The following GNA14 variants were observed in gnomAD, a reference collection of about 807,000 sequenced individuals.
The protein encoded by GNA14 is guanine nucleotide-binding protein subunit alpha-14.
In GNA14, 50 loss-of-function variants were observed where a neutral mutation model predicts 42.0. That is an observed-to-expected ratio of 1.19 (90% CI 0.95 to 1.51). The LOEUF (loss-of-function observed/expected upper bound fraction) is 1.51. GNA14 is among the 40% of genes most tolerant of loss of function. GNA14 has a pLI of 0.00. For synonymous variants in GNA14, 173 were observed against 163.1 expected (o/e 1.06, Z -0.46); for missense variants, 473 against 446.2 (o/e 1.06, Z -0.54).
chr9:77,594,327 C>T (rs2117896869), intron 1 of GNA14, among the ~76,000 whole-genome samples: 1 of 152,294 alleles, frequency 6.6e-6, no homozygotes, highest in South Asian at 2.1e-4. Context: ...GCCTTTTCTG[C>T]CAGGGCAGAC....
intron 2 of GNA14, among the ~76,000 whole-genome samples, chr9:77,499,620 G>T (rs1390648539): frequency 6.6e-6 from 1 of 152,146 alleles, no homozygotes; most frequent in Non-Finnish European, 1.5e-5. Flanking sequence ...GGAGGCTGAG[G>T]GGGGTGGATC....
chr9:77,569,990 C>A (rs1823037298), intron 1 of GNA14, among the ~76,000 whole-genome samples: 1 of 152,040 alleles, frequency 6.6e-6, no homozygotes, highest in South Asian at 2.1e-4. Context: ...TGATCTCGAA[C>A]TCTTGACCTC....
chr9:77,529,043 G>C lies in GNA14; in HGVS notation c.309+26C>G, dbSNP rs113023645. On this transcript the variant is annotated intron_variant, in intron 2 of 6. Coordinates refer to ENST00000341700, the MANE Select transcript of GNA14 (RefSeq NM_004297.4). ...GTGGGCAGGCATACATTCACAAATA[G>C]GGCAAGCACTCCCTAAGCACGTTAC... 663 of 1,603,028 alleles carry C rather than the reference G, an allele frequency of 4.1e-4. 2 individuals carry two copies. In the African/African-American group the frequency reaches 7.7e-3, roughly 19 times the overall value.
At chr9:77,518,133 C>G (rs919009699) in intron 2 of GNA14, 1 of 152,052 alleles carries the variant, frequency 6.6e-6, no homozygotes, top group Non-Finnish European at 1.5e-5. Context: ...TTTGTAATAT[C>G]ACCAGGAGCC....
chr9:77,452,923 G>T (rs1327378126), intron 2 of GNA14, among the ~76,000 whole-genome samples: 1 of 151,790 alleles, frequency 6.6e-6, no homozygotes, highest in South Asian at 2.1e-4. Flanking sequence ...CTTGACGCCA[G>T]GAGTTCAAGA....
At chr9:77,425,928 G>T (rs1397620497) in intron 5 of GNA14, among the ~76,000 whole-genome samples, 1 of 152,072 alleles carries the variant, frequency 6.6e-6, no homozygotes, top group African/African-American at 2.4e-5. Flanking sequence ...CCCCTTCTGG[G>T]TCCCCTCTCC....
At chr9:77,521,510 T>G (rs574623687) in intron 2 of GNA14, among the ~76,000 whole-genome samples, 1 of 152,348 alleles carries the variant, frequency 6.6e-6, no homozygotes, top group Admixed American at 6.5e-5. Flanking sequence ...GAACTCTGAC[T>G]GATTTCTTCA....
intron 1 of GNA14, among the ~76,000 whole-genome samples, chr9:77,609,579 T>C (rs1240477656): frequency 6.6e-6 from 1 of 152,182 alleles, no homozygotes; most frequent in Admixed American, 6.6e-5. Context: ...CCTAACAAAA[T>C]ACCAGTCTAG....
At chr9:77,528,708 G>A (rs951412288) in intron 2 of GNA14, among the ~76,000 whole-genome samples, 3 of 152,166 alleles carry the variant, frequency 2.0e-5, no homozygotes, top group Admixed American at 6.5e-5. Flanking sequence ...TTCTTGAAAC[G>A]CTGGCCACTG....
At chr9:77,560,032 A>T (rs12343979) in intron 1 of GNA14, among the ~76,000 whole-genome samples, 10,804 of 152,212 alleles carry the variant, frequency 0.071, 425 homozygotes, top group Middle Eastern at 0.11. Context: ...AGCGAGCTTT[A>T]AAAAAACTAT....
intron 1 of GNA14, among the ~76,000 whole-genome samples, chr9:77,630,278 C>A (rs545379293): frequency 5.3e-4 from 80 of 151,966 alleles, no homozygotes; most frequent in Non-Finnish European, 9.7e-4. Flanking sequence ...CTACCATGCC[C>A]AGCTAATTTT....
At chr9:77,624,558 A>C (rs1041403433) in intron 1 of GNA14, among the ~76,000 whole-genome samples, 1 of 152,184 alleles carries the variant, frequency 6.6e-6, no homozygotes, top group African/African-American at 2.4e-5. Flanking sequence ...TCTGGGAAGA[A>C]GCTTCCAGAG....
intron 1 of GNA14, among the ~76,000 whole-genome samples, chr9:77,646,194 TCCACTCCTA>T (rs1392436779): frequency 6.6e-6 from 1 of 152,176 alleles, no homozygotes; most frequent in Non-Finnish European, 1.5e-5. Context: ...GGGGACTCCC[TCCACTCCTA>T]CCCAGCCCAC....
chr9:77,589,386 G>C (rs142564958), intron 1 of GNA14, among the ~76,000 whole-genome samples: 1 of 152,108 alleles, frequency 6.6e-6, no homozygotes, highest in Non-Finnish European at 1.5e-5. Flanking sequence ...GAGTGAGCTC[G>C]GTTTTCTTTT....
chr9:77,432,608 C>T (rs1466821878), intron 3 of GNA14, among the ~76,000 whole-genome samples: 5 of 152,156 alleles, frequency 3.3e-5, no homozygotes, highest in African/African-American at 9.7e-5. Flanking sequence ...ATGGAGAAAA[C>T]GTGCAAGTGC....
intron 1 of GNA14, among the ~76,000 whole-genome samples, chr9:77,575,280 G>A (rs1823110694): frequency 6.6e-6 from 1 of 152,174 alleles, no homozygotes; most frequent in South Asian, 2.1e-4. Context: ...CTACTCAGAA[G>A]CGGAGGCAGG....
chr9:77,463,082 G>A (rs907349803), intron 2 of GNA14, among the ~76,000 whole-genome samples: 15 of 152,174 alleles, frequency 9.9e-5, no homozygotes, highest in Non-Finnish European at 2.2e-4. Context: ...ACTAAGCTCT[G>A]ATCTTGATCC....
intron 1 of GNA14, among the ~76,000 whole-genome samples, chr9:77,553,109 A>G (rs928701185): frequency 1.3e-5 from 2 of 152,226 alleles, no homozygotes; most frequent in African/African-American, 4.8e-5. Context: ...TTATTCTCAT[A>G]TGTCTCTCAG....
intron 2 of GNA14, among the ~76,000 whole-genome samples, chr9:77,460,621 A>G (rs1381671420): frequency 6.6e-6 from 1 of 152,226 alleles, no homozygotes; most frequent in African/African-American, 2.4e-5. Flanking sequence ...GAATCCCTGC[A>G]GGTCCTCACG....
Sources: allele counts gnomAD v4.1 joint callset (sites outside exome capture counted in the v4.1 genomes callset), GRCh38; gene constraint gnomAD v4.1.1; transcripts MANE v1.5; gene names NCBI Gene and HGNC (gene_info 2026-07-23, HGNC 2026-07-21).